RXFP2: variants seen among roughly 807,000 people sequenced by gnomAD.
The protein encoded by RXFP2 is relaxin family peptide receptor 2, also known as relaxin receptor 2.
Under a neutral mutation model 88.6 loss-of-function variants are expected in RXFP2, and 68 were observed. The ratio of observed to expected loss-of-function variants is 0.77; its 90% CI spans 0.63 to 0.94. RXFP2 has a LOEUF of 0.94. Ranked by LOEUF, RXFP2 falls within the 40% of genes least tolerant of loss-of-function variation. The pLI is 0.00. For missense variants in RXFP2, 791 were observed against 893.9 expected, an observed-to-expected ratio of 0.88 and a Z score of 1.47; for synonymous variants, 329 against 306.8, an observed-to-expected ratio of 1.07 and a Z score of -0.76.
At chr13:31,742,111 G>T (rs202013677) in intron 1 of RXFP2, among the ~76,000 whole-genome samples, 2 of 152,146 alleles carry the variant, frequency 1.3e-5, no homozygotes, top group East Asian at 3.9e-4. Flanking sequence ...TTTCTTAATG[G>T]ACAAATTAGG....
intron 1 of RXFP2, among the ~76,000 whole-genome samples, chr13:31,753,204 T>G (rs1215522143): frequency 5.9e-5 from 9 of 152,188 alleles, no homozygotes; most frequent in African/African-American, 1.4e-4. Context: ...GGGACTTGTA[T>G]ATCTCCATCA....
Position 31,758,153 on chromosome 13 carries a change from T to C in RXFP2, c.95-105T>C, listed in dbSNP as rs963324566. On this transcript the variant is annotated intron_variant, in intron 1 of 17. Transcript: ENST00000298386. ...CAAAGAAACTGTGCACTAAGAATAA[T>C]ACCAGATGAACTCAACTCATATAGC... The C allele has an allele frequency of 2.7e-6, 3 of 1,101,320 alleles. No homozygotes were observed. The African/African-American group carries it at 4.6e-5, about 17-fold the overall frequency. The allele number at this position is 1,101,320 out of a possible 1,614,324, so 68.2% of individuals were successfully genotyped here.
rs1409409504 is a variant in RXFP2, at chr13:31,765,158, T to C, written c.425+16T>C. 1.4e-6 allele frequency: 2 copies of C among 1,423,742 alleles called. No homozygotes were observed. Among genetic ancestry groups the C allele is most frequent in the South Asian group, 1.1e-5 (1 of 87,080 alleles). The allele number at this position is 1,423,742 out of a possible 1,614,324, so 88.2% of individuals were successfully genotyped here. On this transcript the variant is annotated intron_variant, in intron 4 of 17. Transcript: ENST00000298386. The stretch of plus-strand genomic sequence containing the variant: ...TGACATTACTGTGAGTAAAACTTAA[T>C]TATTGGTGATATCTGTCCCTATAGT...
chr13:31,753,323 C>T (rs1394466655), intron 1 of RXFP2, among the ~76,000 whole-genome samples: 1 of 152,172 alleles, frequency 6.6e-6, no homozygotes, highest in African/African-American at 2.4e-5. Flanking sequence ...ATCCAGTTGG[C>T]TTTAAAAGGC....
intron 17 of RXFP2, among the ~76,000 whole-genome samples, chr13:31,799,881 T>C (rs1874248140): frequency 6.6e-6 from 1 of 152,204 alleles, no homozygotes; most frequent in Admixed American, 6.5e-5. Context: ...CGCTCTGCTG[T>C]GTCCTCACAT....
At chr13:31,785,900 G>A (rs140087879) in intron 11 of RXFP2, among the ~76,000 whole-genome samples, 36 of 152,272 alleles carry the variant, frequency 2.4e-4, no homozygotes, top group African/African-American at 8.4e-4. Context: ...CATATTAAAA[G>A]CGTGTGAACT....
At chr13:31,798,297 A>G (rs1237641687) in intron 17 of RXFP2, among the ~76,000 whole-genome samples, 3 of 152,198 alleles carry the variant, frequency 2.0e-5, no homozygotes. Flanking sequence ...AAAATACCAC[A>G]CAACATTCAC....
intron 16 of RXFP2, among the ~76,000 whole-genome samples, chr13:31,795,456 A>T (rs1161180090): frequency 6.6e-6 from 1 of 152,168 alleles, no homozygotes; most frequent in Non-Finnish European, 1.5e-5. Flanking sequence ...AGCCTAGAAC[A>T]TACACTTTTG....
At chr13:31,791,125 G>C (rs1873770975) in intron 14 of RXFP2, among the ~76,000 whole-genome samples, 1 of 152,228 alleles carries the variant, frequency 6.6e-6, no homozygotes, top group South Asian at 2.1e-4. Flanking sequence ...ACAGGTTTGA[G>C]GGATGGCAAT....
intron 11 of RXFP2, among the ~76,000 whole-genome samples, chr13:31,785,754 T>A (rs1005871061): frequency 1.6e-4 from 24 of 152,146 alleles, no homozygotes; most frequent in Admixed American, 1.4e-3. Context: ...TAAAGATTCA[T>A]TTCTTCTGAT....
chr13:31,743,111 G>A (rs576545299), intron 1 of RXFP2, among the ~76,000 whole-genome samples: 1 of 152,304 alleles, frequency 6.6e-6, no homozygotes, highest in South Asian at 2.1e-4. Context: ...GTGCTCCGAA[G>A]CGAAAATAAA....
chr13:31,777,483 T>G (rs1873045432), intron 8 of RXFP2, 36 bp downstream of exon 8: 2 of 1,413,098 alleles, frequency 1.4e-6, no homozygotes. Flanking sequence ...CATCTATCGA[T>G]ACATTGCAAT....
intron 1 of RXFP2, among the ~76,000 whole-genome samples, chr13:31,756,558 C>T (rs533097657): frequency 3.3e-5 from 5 of 151,842 alleles, no homozygotes; most frequent in Admixed American, 2.0e-4. Flanking sequence ...TTCAATGAGT[C>T]ATGATGACCT....
At chr13:31,753,934 A>C (rs925929727) in intron 1 of RXFP2, among the ~76,000 whole-genome samples, 5 of 152,160 alleles carry the variant, frequency 3.3e-5, no homozygotes, top group Admixed American at 3.3e-4. Context: ...TGGGGAATAC[A>C]TTGTATTCAT....
intron 5 of RXFP2, 55 bp from the exon 6 acceptor site, chr13:31,774,565 C>T: frequency 1.1e-6 from 1 of 883,798 alleles, no homozygotes. Context: ...TGTTCAACAA[C>T]CTAATATAGT....
At chr13:31,743,602 T>C (rs1368811752) in intron 1 of RXFP2, among the ~76,000 whole-genome samples, 1 of 152,110 alleles carries the variant, frequency 6.6e-6, no homozygotes, top group East Asian at 1.9e-4. Context: ...CTTCCCACTG[T>C]TCTGACTCGG....
intron 1 of RXFP2, among the ~76,000 whole-genome samples, chr13:31,741,040 A>G (rs566650827): frequency 6.6e-6 from 1 of 152,186 alleles, no homozygotes; most frequent in East Asian, 1.9e-4. Context: ...CTATAACCAC[A>G]GTTTAACCAA....
chr13:31,756,767 C>G (rs778064478), intron 1 of RXFP2, among the ~76,000 whole-genome samples: 4 of 151,860 alleles, frequency 2.6e-5, no homozygotes, highest in African/African-American at 9.7e-5. Context: ...GACTGCAGCA[C>G]GTGCCACCAT....
In RXFP2 at chr13:31,783,983, AT is replaced by A. The variant is rs10686799; in HGVS notation, c.929+1251del. ...AGGTACCTGCCACCATGCCTGGCTA[AT>A]TTTTTTTTTTTTTTGTATTTTTAGT... On this transcript the variant is annotated intron_variant, in intron 11 of 17. Coordinates refer to ENST00000298386, the MANE Select transcript of RXFP2 (RefSeq NM_130806.5). 6.7e-4 allele frequency among the ~76,000 whole-genome samples: 82 copies of A among 121,568 alleles called. 1 individual carries two copies. Among genetic ancestry groups the A allele is most frequent in the African/African-American group, 2.4e-3 (77 of 31,870 alleles). The allele number at this position is 121,568 out of a possible 152,430, so 79.8% of individuals were successfully genotyped here.
Sources: gnomAD v4.1 joint callset for allele counts (sites outside exome capture counted in the v4.1 genomes callset) on GRCh38, gnomAD v4.1.1 for gene constraint, MANE v1.5 for transcripts, NCBI Gene and HGNC (gene_info 2026-07-23, HGNC 2026-07-21) for gene names.